The following MAPK13 variants were observed in gnomAD, a reference collection of about 807,000 sequenced individuals.
The protein encoded by MAPK13 is mitogen-activated protein kinase 13, also known as MAP kinase 13.
Under a neutral mutation model 53.5 loss-of-function variants are expected in MAPK13, and 39 were observed. The ratio of observed to expected loss-of-function variants is 0.73; its 90% confidence interval spans 0.56 to 0.95. The LOEUF is 0.95. Among genes scored for constraint, MAPK13 ranks in the 40% least tolerant of loss-of-function variants. The probability of loss-of-function intolerance (pLI) is 0.00; values close to 1 mark genes in which losing one functional copy is unlikely to be tolerated. For missense variants in MAPK13, 460 were observed against 471.8 expected (o/e 0.98, Z 0.23); for synonymous variants, 179 against 190.9 (o/e 0.94, Z 0.51).
chr6:36,138,115 G>A (rs565017134), intron 8 of MAPK13, among the ~76,000 whole-genome samples: 2 of 152,258 alleles, frequency 1.3e-5, no homozygotes, highest in Non-Finnish European at 2.9e-5. Flanking sequence ...AAGAGTCACT[G>A]GGATGAAGGC....
rs527610667 is a variant in MAPK13, at chr6:36,143,263, G to T, written c.*3890G>T. 6.6e-6 allele frequency: 1 copy of T among 152,272 alleles called. No individual in the cohort carries two copies. Among genetic ancestry groups the T allele is most frequent in the Admixed American group, 6.5e-5 (1 of 15,294 alleles). The allele number at this position is 152,272 out of a possible 1,614,324, so 9.4% of individuals were successfully genotyped here. ...CTTGCCTGGCGTGGATTGGGGTGGT[G>T]CTGCCCCCAGTGAGGGGCAGCACAA... On this transcript the variant is annotated 3_prime_UTR_variant, in exon 12 of 12. Transcript: ENST00000211287.
Position 36,139,778 on chromosome 6 carries a change from C to A in MAPK13, c.*405C>A. On this transcript the variant is annotated 3_prime_UTR_variant, in exon 12 of 12. Coordinates refer to ENST00000211287, the MANE Select transcript of MAPK13 (RefSeq NM_002754.5). ...CCTTACAGTTCTGGAGGCTGGAAAT[C>A]TGGGATGGAGGTGTTGGCAGGGCTG... 1 of 177,668 alleles carries A rather than the reference C, an allele frequency of 5.6e-6. No homozygotes were observed. The allele number at this position is 177,668 out of a possible 1,614,324, so 11.0% of individuals were successfully genotyped here. A position where few individuals can be genotyped will look rare whatever the true frequency, so the allele number is the denominator to read the frequency against.
chr6:36,135,077 T>A (rs1406242469), intron 3 of MAPK13, among the ~76,000 whole-genome samples: 1 of 152,226 alleles, frequency 6.6e-6, no homozygotes, highest in Non-Finnish European at 1.5e-5. Context: ...GGTCTTAAAC[T>A]CTTCGCCTCA....
intron 10 of MAPK13, 23 bp downstream of exon 10, chr6:36,138,803 C>T (rs2127487353): frequency 3.7e-6 from 6 of 1,614,012 alleles, no homozygotes; most frequent in East Asian, 2.2e-5. Context: ...GCCCGCTCCC[C>T]AGGGGCCTCT....
intron 2 of MAPK13, among the ~76,000 whole-genome samples, chr6:36,131,812 G>A (rs1766329328): frequency 6.6e-6 from 1 of 152,150 alleles, no homozygotes; most frequent in Non-Finnish European, 1.5e-5. Flanking sequence ...ACACTAACTT[G>A]TCTAGTCCTC....
rs1766497837 is a variant in MAPK13 at position 36,139,799 on chromosome 6, G to C, written c.*426G>C. On this transcript the variant is annotated 3_prime_UTR_variant, in exon 12 of 12. Transcript: ENST00000211287. ...AAATCTGGGATGGAGGTGTTGGCAG[G>C]GCTGTGGTCCCTTTGAAGGCTCTGG... 1 of 170,272 alleles carries C rather than the reference G, an allele frequency of 5.9e-6. No homozygotes were observed. Among genetic ancestry groups the C allele is most frequent in the African/African-American group, 2.4e-5 (1 of 41,866 alleles). 10.5% of individuals were successfully genotyped at this position (170,272 alleles called of 1,614,324 possible).
rs70975134 is a variant in MAPK13 at position 36,130,720 on chromosome 6, TGGGGGGC to T, written c.119+30_119+36del. ...CCGTGTGGTGAGACCCCTGGGCCGCTGGGGGGCGGGGGGCGGGCGCCAGGCTCTCCCC... is the reference window on the plus strand; with the variant it reads ...CCGTGTGGTGAGACCCCTGGGCCGCTGGGGGGCGGGCGCCAGGCTCTCCCC... On this transcript the variant is annotated intron_variant, in intron 1 of 11. Transcript: ENST00000211287. The surrounding 1 kb of genome is among the most constrained non-coding windows in gnomAD (Gnocchi z 4.5). 7.2e-5 allele frequency: 48 copies of T among 669,466 alleles called. 4 individuals are homozygous for T. Among genetic ancestry groups the T allele is most frequent in the Non-Finnish European group, 1.1e-4 (45 of 415,870 alleles). The allele number at this position is 669,466 out of a possible 1,614,324, so 41.5% of individuals were successfully genotyped here.
chr6:36,143,011 G>C lies in MAPK13; in HGVS notation c.*3638G>C, dbSNP rs1766562321. On this transcript the variant is annotated 3_prime_UTR_variant, in exon 12 of 12. Coordinates refer to ENST00000211287, the MANE Select transcript of MAPK13 (RefSeq NM_002754.5). ...CAGAGGAGCTGGCGGGGCGAGGGAG[G>C]GGGAGATGTGGGCTCAGGTATTCTT... The C allele has an allele frequency of 6.6e-6, 1 of 152,150 alleles. No individual in the cohort carries two copies. The highest frequency in any genetic ancestry group is 1.5e-5 in the Non-Finnish European group (1 of 68,108). 9.4% of individuals were successfully genotyped at this position (152,150 alleles called of 1,614,324 possible).
At chr6:36,131,530 C>T in intron 2 of MAPK13, 130 bp downstream of exon 2, 2 of 901,842 alleles carry the variant, frequency 2.2e-6, no homozygotes, top group Non-Finnish European at 3.3e-6. Context: ...TGCCTCTCGC[C>T]TCACTATTGA....
chr6:36,140,279 C>T lies in MAPK13; in HGVS notation c.*906C>T, dbSNP rs115446968. On this transcript the variant is annotated 3_prime_UTR_variant, in exon 12 of 12. Coordinates refer to ENST00000211287, the MANE Select transcript of MAPK13 (RefSeq NM_002754.5). ...TCAAGATATGAAACAACAGCAGGCTCGGAGACTGCGAGCTGCACAGGCAGA... is the reference window on the plus strand; with the variant it reads ...TCAAGATATGAAACAACAGCAGGCTTGGAGACTGCGAGCTGCACAGGCAGA... 3 of 152,696 alleles carry T rather than the reference C, an allele frequency of 2.0e-5. No homozygotes were observed. Among genetic ancestry groups the T allele is most frequent in the African/African-American group, 7.2e-5 (3 of 41,570 alleles). The allele number at this position is 152,696 out of a possible 1,614,324, so 9.5% of individuals were successfully genotyped here. A position where few individuals can be genotyped will look rare whatever the true frequency, so the allele number is the denominator to read the frequency against.
chr6:36,132,724 A>G lies in MAPK13; in HGVS notation c.308+45A>G. The G allele has an allele frequency of 3.1e-6, 5 of 1,603,968 alleles. No individual in the cohort carries two copies. The South Asian group carries it at 3.3e-5, about 11-fold the overall frequency. ...GTTCTGGGGCATTTGCAGGCCTTAC[A>G]TGCCGCTGGGGAGCAAGGTGGGGGA... is the stretch of plus-strand genomic sequence containing the variant. On this transcript the variant is annotated intron_variant, in intron 3 of 11. Coordinates refer to ENST00000211287, the MANE Select transcript of MAPK13 (RefSeq NM_002754.5).
chr6:36,136,863 C>CT lies in MAPK13; in HGVS notation c.611-15dup, dbSNP rs552223366. 2.1e-4 allele frequency: 338 copies of CT among 1,613,666 alleles called. No homozygotes were observed. The African/African-American group carries it at 2.9e-3, about 14-fold the overall frequency. ...GGCCCCAGACAGTCCAGGTGACACT[C>CT]TCCCTCCCTCTGCAGTGGACATCTG... On this transcript the variant is annotated splice_polypyrimidine_tract_variant and intron_variant, in intron 7 of 11. Coordinates refer to ENST00000211287, the MANE Select transcript of MAPK13 (RefSeq NM_002754.5).
rs1321187950 is a variant in MAPK13, at chr6:36,143,684, T to A, written c.*4311T>A. 6.6e-6 allele frequency: 1 copy of A among 152,206 alleles called. No individual in the cohort carries two copies. The highest frequency in any genetic ancestry group is 2.4e-5 in the African/African-American group (1 of 41,458). 9.4% of individuals were successfully genotyped at this position (152,206 alleles called of 1,614,324 possible). A position where few individuals can be genotyped will look rare whatever the true frequency, so the allele number is the denominator to read the frequency against. On this transcript the variant is annotated 3_prime_UTR_variant, in exon 12 of 12. Transcript: ENST00000211287. ...ACACAGTGAACTCATGTGCTCTATC[T>A]GCATTCCCCCTAAATCCTCCTGAGC... is the stretch of plus-strand genomic sequence containing the variant.
At chr6:36,135,524 T>G (rs1380497781) in intron 3 of MAPK13, among the ~76,000 whole-genome samples, 1 of 152,356 alleles carries the variant, frequency 6.6e-6, no homozygotes, top group South Asian at 2.1e-4. Flanking sequence ...GCGCTCCAAC[T>G]GCAGCGCTTA....
chr6:36,132,540 C>T, intron 2 of MAPK13, 81 bp from the exon 3 acceptor site: 3 of 1,286,122 alleles, frequency 2.3e-6, no homozygotes, highest in Middle Eastern at 1.9e-4. Context: ...GGTGGATGGC[C>T]CTGTGCATGG....
At chr6:36,133,193 A>G (rs1271079330) in intron 3 of MAPK13, among the ~76,000 whole-genome samples, 1 of 152,238 alleles carries the variant, frequency 6.6e-6, no homozygotes, top group Non-Finnish European at 1.5e-5. Context: ...GACAAGATGG[A>G]GAAGTCAGTG....
intron 9 of MAPK13, 77 bp downstream of exon 9, chr6:36,138,521 G>T (rs955189086): frequency 1.4e-6 from 2 of 1,453,802 alleles, no homozygotes; most frequent in African/African-American, 2.8e-5. Context: ...GCAGGCCTTT[G>T]TGGAAGAAGG....
chr6:36,135,935 A>G (rs1581883230), intron 4 of MAPK13, 74 bp downstream of exon 4: 3 of 1,596,746 alleles, frequency 1.9e-6, no homozygotes, highest in Non-Finnish European at 2.6e-6. Flanking sequence ...GGCTGGAGGG[A>G]GCGCACTGTT....
Position 36,130,704 on chromosome 6 carries a change from G to A in MAPK13, c.119+3G>A, listed in dbSNP as rs140374075. 3.9e-3 allele frequency: 5,693 copies of A among 1,455,118 alleles called. 55 individuals are homozygous for A. The highest frequency in any genetic ancestry group is 0.037 in the African/African-American group (2,372 of 63,980). The allele number at this position is 1,455,118 out of a possible 1,614,324, so 90.1% of individuals were successfully genotyped here. On this transcript the variant is annotated splice_donor_region_variant and intron_variant, in intron 1 of 11. Transcript: ENST00000211287. The surrounding 1 kb of genome is among the most constrained non-coding windows in gnomAD (Gnocchi z 4.5). ...AGCGGGGCCTATGGCTCCGTGTGGT[G>A]AGACCCCTGGGCCGCTGGGGGGCGG...
Sources: allele counts gnomAD v4.1 joint callset (sites outside exome capture counted in the v4.1 genomes callset), GRCh38; gene constraint gnomAD v4.1.1; non-coding constraint Gnocchi (gnomAD v3.1); transcripts MANE v1.5; gene names NCBI Gene and HGNC (gene_info 2026-07-23, HGNC 2026-07-21).